Variants in ROR1 observed in about 807,000 individuals in gnomAD.
ROR1 encodes the protein inactive tyrosine-protein kinase transmembrane receptor ROR1.
ROR1 carries 19 observed loss-of-function variants against 78.8 expected under a neutral mutation model. That is an observed-to-expected ratio of 0.24 (90% CI 0.17 to 0.35). The LOEUF is 0.35. Among genes scored for constraint, ROR1 ranks in the 10% least tolerant of loss-of-function variants. ROR1 has a pLI of 1.00. For missense variants in ROR1, 917 were observed against 1,177.8 expected (o/e 0.78, Z 3.24); for synonymous variants, 386 against 433.6 (o/e 0.89, Z 1.36).
chr1:63,911,190 G>A (rs1287576992), intron 1 of ROR1, among the ~76,000 whole-genome samples: 1 of 152,072 alleles, frequency 6.6e-6, no homozygotes, highest in African/African-American at 2.4e-5. Flanking sequence ...AACATACCTG[G>A]GTTTGAACCT....
chr1:63,965,475 A>T (rs1245057826), intron 1 of ROR1, among the ~76,000 whole-genome samples: 2 of 152,160 alleles, frequency 1.3e-5, no homozygotes, highest in South Asian at 4.1e-4. Flanking sequence ...CTTAGGAAAA[A>T]AACCAACTTG....
intron 1 of ROR1, among the ~76,000 whole-genome samples, chr1:63,826,670 C>T (rs1644955466): frequency 1.3e-5 from 2 of 152,026 alleles, no homozygotes; most frequent in African/African-American, 4.8e-5. Context: ...AGTCACCACA[C>T]TGTGATTCAC....
intron 7 of ROR1, among the ~76,000 whole-genome samples, chr1:64,152,610 AATC>A (rs1266070429): frequency 1.3e-5 from 2 of 152,204 alleles, no homozygotes; most frequent in Non-Finnish European, 2.9e-5. Flanking sequence ...AGATTTGTCT[AATC>A]ATGGATTTTA....
At chr1:63,943,327 G>A (rs537043644) in intron 1 of ROR1, among the ~76,000 whole-genome samples, 40 of 152,250 alleles carry the variant, frequency 2.6e-4, no homozygotes, top group African/African-American at 8.9e-4. Flanking sequence ...CTTGAGTGAA[G>A]CCCAAGGGAA....
intron 1 of ROR1, among the ~76,000 whole-genome samples, chr1:64,007,239 G>C (rs1039385050): frequency 1.3e-5 from 2 of 152,154 alleles, no homozygotes; most frequent in Non-Finnish European, 2.9e-5. Flanking sequence ...GGCTTAACAG[G>C]TAAACAGAGC....
At chr1:63,801,583 C>T (rs1272911298) in intron 1 of ROR1, among the ~76,000 whole-genome samples, 2 of 152,216 alleles carry the variant, frequency 1.3e-5, no homozygotes, top group Admixed American at 6.5e-5. Context: ...ATGTGAGCCA[C>T]TGTGCCTGGC....
intron 1 of ROR1, among the ~76,000 whole-genome samples, chr1:63,907,654 G>A (rs1352148584): frequency 6.6e-6 from 1 of 152,154 alleles, no homozygotes; most frequent in African/African-American, 2.4e-5. Context: ...TTAGTTCACT[G>A]GAAGAATAGT....
chr1:63,917,375 A>G (rs1645617136), intron 1 of ROR1, among the ~76,000 whole-genome samples: 1 of 152,222 alleles, frequency 6.6e-6, no homozygotes, highest in Admixed American at 6.5e-5. Flanking sequence ...AAGCAATCAC[A>G]GTTCTACAAC....
At chr1:64,039,312 G>A (rs1646727314) in intron 2 of ROR1, among the ~76,000 whole-genome samples, 1 of 152,158 alleles carries the variant, frequency 6.6e-6, no homozygotes, top group Non-Finnish European at 1.5e-5. Context: ...GGCACACAAA[G>A]GGATTCTGGT....
chr1:63,798,429 T>G (rs1273251304), intron 1 of ROR1, among the ~76,000 whole-genome samples: 1 of 152,088 alleles, frequency 6.6e-6, no homozygotes, highest in East Asian at 1.9e-4. Flanking sequence ...TTGCAGTTTT[T>G]GGGGGAGGAG....
At chr1:63,944,230 C>T (rs1312352279) in intron 1 of ROR1, among the ~76,000 whole-genome samples, 1 of 152,194 alleles carries the variant, frequency 6.6e-6, no homozygotes, top group African/African-American at 2.4e-5. Flanking sequence ...CTAAACCAAG[C>T]ACGTTGTGTT....
intron 1 of ROR1, among the ~76,000 whole-genome samples, chr1:63,896,412 G>A (rs1645440039): frequency 6.6e-6 from 1 of 152,204 alleles, no homozygotes; most frequent in East Asian, 1.9e-4. Flanking sequence ...GCCATCTGAA[G>A]CCTTCTCCAA....
chr1:63,928,193 T>G (rs1033209301), intron 1 of ROR1, among the ~76,000 whole-genome samples: 11 of 152,194 alleles, frequency 7.2e-5, no homozygotes, highest in African/African-American at 2.2e-4. Context: ...TAGGAGTAAT[T>G]AACTTATTTT....
intron 1 of ROR1, among the ~76,000 whole-genome samples, chr1:64,006,209 T>C (rs1646426232): frequency 6.6e-6 from 1 of 152,228 alleles, no homozygotes; most frequent in South Asian, 2.1e-4. Context: ...TATGAAAATA[T>C]TGCATGTAAA....
chr1:63,886,365 A>G (rs1472906644), intron 1 of ROR1, among the ~76,000 whole-genome samples: 1 of 152,144 alleles, frequency 6.6e-6, no homozygotes, highest in Non-Finnish European at 1.5e-5. Context: ...TTGGAAAATG[A>G]GGTGGTTGCA....
chr1:64,059,490 C>T (rs1198583186), intron 4 of ROR1, among the ~76,000 whole-genome samples: 1 of 152,102 alleles, frequency 6.6e-6, no homozygotes, highest in African/African-American at 2.4e-5. Flanking sequence ...GCAGCTGGAT[C>T]ATGAAGTCAG....
chr1:64,143,930 G>T (rs1336419045), intron 7 of ROR1, among the ~76,000 whole-genome samples: 1 of 152,154 alleles, frequency 6.6e-6, no homozygotes, highest in Non-Finnish European at 1.5e-5. Context: ...AGGCTCACCT[G>T]GGCTGCTGGG....
In ROR1 at chr1:63,827,586, G is replaced by A. The variant is rs377373354; in HGVS notation, c.91+53078G>A. On this transcript the variant is annotated intron_variant, in intron 1 of 8. Coordinates refer to ENST00000371079, the MANE Select transcript of ROR1 (RefSeq NM_005012.4). ...GCTTGGCCTCAACACTTGCCAAGGC[G>A]TTGATGACACACAATTTGGATGATT... Among the ~76,000 whole-genome samples the A allele has an allele frequency of 9.2e-5, 14 of 152,194 alleles. No homozygotes were observed. The East Asian group carries it at 1.2e-3, about 13-fold the overall frequency.
At chr1:63,903,810 C>T (rs1370498621) in intron 1 of ROR1, among the ~76,000 whole-genome samples, 1 of 151,792 alleles carries the variant, frequency 6.6e-6, no homozygotes, top group African/African-American at 2.4e-5. Context: ...TTTTCTTACA[C>T]AGCAGGTAGC....
Sources: gnomAD v4.1 joint callset for allele counts (sites outside exome capture counted in the v4.1 genomes callset) on GRCh38, gnomAD v4.1.1 for gene constraint, MANE v1.5 for transcripts, NCBI Gene and HGNC (gene_info 2026-07-23, HGNC 2026-07-21) for gene names.